The following TUBGCP5 variants were observed in gnomAD, a reference collection of about 807,000 sequenced individuals.
The protein encoded by TUBGCP5 is gamma-tubulin complex component 5.
TUBGCP5 carries 98 observed loss-of-function variants against 134.7 expected under a neutral mutation model. That is an observed-to-expected ratio of 0.73 (90% CI 0.62 to 0.86). The LOEUF is 0.86. Among genes scored for constraint, TUBGCP5 ranks in the 40% least tolerant of loss-of-function variants. The probability of loss-of-function intolerance (pLI) is 0.00; values close to 1 mark genes in which losing one functional copy is unlikely to be tolerated. For missense variants in TUBGCP5, 1,150 were observed against 1,244.8 expected (o/e 0.92, Z 1.15); for synonymous variants, 456 against 431.4 (o/e 1.06, Z -0.71).
chr15:23,025,500 A>AT (rs2065931245), intron 8 of TUBGCP5, among the ~76,000 whole-genome samples: 1 of 152,176 alleles, frequency 6.6e-6, no homozygotes, highest in African/African-American at 2.4e-5. Context: ...GCTTCCAGGT[A>AT]CGGGCACAGG....
intron 19 of TUBGCP5, among the ~76,000 whole-genome samples, chr15:23,004,741 A>G (rs780003596): frequency 1.7e-4 from 26 of 152,190 alleles, no homozygotes; most frequent in Non-Finnish European, 3.5e-4. Flanking sequence ...CAACCTTGTG[A>G]AGGCAGTAAT....
chr15:23,027,406 G>A, intron 6 of TUBGCP5, 100 bp from the exon 7 acceptor site: 1 of 936,424 alleles, frequency 1.1e-6, no homozygotes, highest in Non-Finnish European at 1.7e-6. Context: ...GTTGAAAATG[G>A]CTTTTTAAAA....
chr15:23,019,433 G>A (rs932332409), intron 11 of TUBGCP5, 99 bp from the exon 12 acceptor site: 38 of 745,148 alleles, frequency 5.1e-5, no homozygotes, highest in African/African-American at 2.8e-4. Flanking sequence ...AAAAGTGATC[G>A]GATTTCTATG....
intron 8 of TUBGCP5, among the ~76,000 whole-genome samples, chr15:23,025,090 C>T (rs1027851323): frequency 7.2e-5 from 11 of 151,960 alleles, no homozygotes; most frequent in African/African-American, 2.4e-4. Context: ...TTTGTAGATA[C>T]GGGGTTTCAC....
intron 11 of TUBGCP5, among the ~76,000 whole-genome samples, chr15:23,020,390 G>A (rs1197142044): frequency 8.0e-5 from 12 of 149,726 alleles, no homozygotes; most frequent in African/African-American, 3.0e-4. Flanking sequence ...CTGGGCGACA[G>A]GGCGAGACTC....
At chr15:23,009,108 G>C (rs1321098998) in intron 15 of TUBGCP5, among the ~76,000 whole-genome samples, 2 of 151,546 alleles carry the variant, frequency 1.3e-5, no homozygotes, top group Non-Finnish European at 2.9e-5. Flanking sequence ...TAGAAAATTG[G>C]GCAGTCACAA....
At chr15:23,000,526 A>G (rs745362842) in intron 22 of TUBGCP5, 43 bp downstream of exon 22, 20 of 1,598,074 alleles carry the variant, frequency 1.3e-5, no homozygotes, top group Non-Finnish European at 1.6e-5. Context: ...ACTTAGTTAC[A>G]AGGAAATACA....
At chr15:23,019,117 G>T in intron 12 of TUBGCP5, 102 bp downstream of exon 12, 3 of 769,854 alleles carry the variant, frequency 3.9e-6, no homozygotes, top group Admixed American at 2.5e-5. Context: ...TGTGAACTGT[G>T]CTTTCTCAGT....
At chr15:22,999,933 G>C in intron 22 of TUBGCP5, 67 bp from the exon 23 acceptor site, 1 of 1,450,934 alleles carries the variant, frequency 6.9e-7, no homozygotes, top group Non-Finnish European at 9.6e-7. Context: ...TTTTTTTGAA[G>C]ACGGAGTCCC....
chr15:22,991,221 T>C (rs907553611), intron 23 of TUBGCP5, among the ~76,000 whole-genome samples: 5 of 151,980 alleles, frequency 3.3e-5, no homozygotes, highest in Non-Finnish European at 5.9e-5. Flanking sequence ...CCTCAGCCTC[T>C]TGAGTAGCTG....
At chr15:23,008,460 T>C in intron 16 of TUBGCP5, 2 of 503,722 alleles carry the variant, frequency 4.0e-6, no homozygotes, top group Non-Finnish European at 7.0e-6. Flanking sequence ...AGTTTCACCA[T>C]GTTGGCCAGG....
chr15:22,999,815 G>A lies in TUBGCP5; in HGVS notation c.*5C>T. On this transcript the variant is annotated 3_prime_UTR_variant, in exon 23 of 23. Coordinates refer to ENST00000615383, the MANE Select transcript of TUBGCP5 (RefSeq NM_052903.6). The stretch of plus-strand genomic sequence containing the variant: ...AGTCGGAGATATTTATTACGCTGAA[G>A]ACATTTAACTTTGTTCCATGCCAGC... 3 of 1,613,178 alleles carry A rather than the reference G, an allele frequency of 1.9e-6. No individual in the cohort carries two copies. Among genetic ancestry groups the A allele is most frequent in the Non-Finnish European group, 2.5e-6 (3 of 1,179,104 alleles).
At chr15:22,993,600 A>G (rs1418781548) in intron 23 of TUBGCP5, among the ~76,000 whole-genome samples, 2 of 132,954 alleles carry the variant, frequency 1.5e-5, no homozygotes, top group Admixed American at 8.9e-5. Flanking sequence ...GCTGGAGTGT[A>G]ATGGTGCGAT....
At chr15:23,003,217 T>C in intron 20 of TUBGCP5, 64 bp from the exon 21 acceptor site, 1 of 1,468,070 alleles carries the variant, frequency 6.8e-7, no homozygotes, top group Non-Finnish European at 9.5e-7. Context: ...ACCAACACTT[T>C]TACCTATTTT....
intron 20 of TUBGCP5, 71 bp downstream of exon 20, chr15:23,004,031 A>C (rs2064553392): frequency 6.6e-7 from 1 of 1,515,244 alleles, no homozygotes; most frequent in East Asian, 2.4e-5. Flanking sequence ...TAATCATCAT[A>C]AAATTCCAAA....
At chr15:23,022,902 T>TG (rs1308760281) in intron 10 of TUBGCP5, among the ~76,000 whole-genome samples, 2 of 152,200 alleles carry the variant, frequency 1.3e-5, no homozygotes, top group African/African-American at 4.8e-5. Context: ...GCTGTCATAC[T>TG]GGTGAAGACC....
At chr15:23,004,399 C>T (rs748739209) in intron 19 of TUBGCP5, 172 bp from the exon 20 acceptor site, 7 of 755,204 alleles carry the variant, frequency 9.3e-6, no homozygotes, top group South Asian at 2.2e-5. Context: ...GATACTCTGG[C>T]GTTCTGATCC....
chr15:22,993,749 T>C (rs748069641), intron 23 of TUBGCP5, among the ~76,000 whole-genome samples: 5 of 151,760 alleles, frequency 3.3e-5, no homozygotes, highest in Non-Finnish European at 5.9e-5. Context: ...TTCACCATGT[T>C]GGCCAGGCTG....
chr15:23,005,692 TG>T, intron 18 of TUBGCP5, 82 bp from the exon 19 acceptor site: 1 of 1,414,198 alleles, frequency 7.1e-7, no homozygotes, highest in Non-Finnish European at 9.7e-7. Context: ...GCAGAAACAC[TG>T]ACGGATGTGG....
Sources: gnomAD v4.1 joint callset for allele counts (sites outside exome capture counted in the v4.1 genomes callset) on GRCh38, gnomAD v4.1.1 for gene constraint, MANE v1.5 for transcripts, NCBI Gene and HGNC (gene_info 2026-07-23, HGNC 2026-07-21) for gene names.